The following TRIM9 variants were observed in gnomAD, a reference collection of about 807,000 sequenced individuals.
TRIM9 encodes E3 ubiquitin-protein ligase TRIM9.
A neutral mutation model predicts 78.3 loss-of-function variants in TRIM9; 26 were observed. The observed-to-expected ratio is 0.33, with a 90% CI of 0.24 to 0.46. The LOEUF is 0.46. Among genes scored for constraint, TRIM9 ranks in the 20% least tolerant of loss-of-function variants. TRIM9 has a pLI of 1.00. For synonymous variants in TRIM9, 398 were observed against 416.5 expected, an observed-to-expected ratio of 0.96 and a Z score of 0.54; for missense variants, 787 against 1,036.4, an observed-to-expected ratio of 0.76 and a Z score of 3.30.
rs2054468679 is a variant in TRIM9, at chr14:50,998,177, C to G, written c.1476G>C (p.Val492=). The G allele has an allele frequency of 1.2e-6, 2 of 1,614,022 alleles. No homozygotes were observed. Among genetic ancestry groups the G allele is most frequent in the Admixed American group, 3.3e-5 (2 of 60,004 alleles). ...CCACAGTGCACATTGTCTCCTTCCCCACATACACCTCCTGAGAGTCAGCAA... is the reference window on the plus strand; with the variant it reads ...CCACAGTGCACATTGTCTCCTTCCCGACATACACCTCCTGAGAGTCAGCAA... ...GNGGQFREVY[V]GKETMCTVDG... The change falls in exon 7 of 13, where the codon GTG becomes GTC. Residue 492 remains valine (V), a synonymous_variant. Coordinates refer to ENST00000684578, the MANE Select transcript of TRIM9 (RefSeq NM_001387360.1).
intron 1 of TRIM9, among the ~76,000 whole-genome samples, chr14:51,036,172 T>C (rs537857200): frequency 2.0e-5 from 3 of 152,316 alleles, no homozygotes; most frequent in African/African-American, 4.8e-5. Context: ...ACCTGCCATG[T>C]TGATGAGCCA....
chr14:50,985,573 C>T (rs2052591142), intron 8 of TRIM9, among the ~76,000 whole-genome samples: 2 of 152,168 alleles, frequency 1.3e-5, no homozygotes, highest in African/African-American at 4.8e-5. Context: ...TGCTGGTTTC[C>T]TGGATACAGA....
chr14:51,078,966 T>C (rs2140292601), intron 1 of TRIM9, among the ~76,000 whole-genome samples: 1 of 152,306 alleles, frequency 6.6e-6, no homozygotes, highest in East Asian at 1.9e-4. Context: ...ATAGTAACCA[T>C]TTTTCTATCT....
intron 1 of TRIM9, among the ~76,000 whole-genome samples, chr14:51,073,448 T>C (rs753011446): frequency 6.6e-6 from 1 of 152,126 alleles, no homozygotes; most frequent in Non-Finnish European, 1.5e-5. Flanking sequence ...TTCATAAAAA[T>C]GGAATACCAT....
intron 1 of TRIM9, among the ~76,000 whole-genome samples, chr14:51,080,684 T>C (rs1043282466): frequency 6.6e-6 from 1 of 152,168 alleles, no homozygotes; most frequent in Non-Finnish European, 1.5e-5. Context: ...CTGTAGTGGG[T>C]GGCCACCTTT....
intron 3 of TRIM9, among the ~76,000 whole-genome samples, chr14:51,019,212 T>G (rs1243295140): frequency 6.6e-6 from 1 of 152,256 alleles, no homozygotes; most frequent in Non-Finnish European, 1.5e-5. Context: ...GGAGGTCCAG[T>G]GTGCTCTGCT....
At chr14:50,996,194 C>A (rs1018756760) in intron 7 of TRIM9, 2 of 984,032 alleles carry the variant, frequency 2.0e-6, no homozygotes, top group East Asian at 1.1e-4. Flanking sequence ...TATATTTGTA[C>A]ACAATATATA....
intron 1 of TRIM9, among the ~76,000 whole-genome samples, chr14:51,033,013 A>AT (rs900839469): frequency 4.6e-5 from 7 of 152,332 alleles, no homozygotes; most frequent in African/African-American, 1.7e-4. Context: ...CAGAATCTGC[A>AT]ACACTCAAAA....
At chr14:51,071,789 G>C (rs911216716) in intron 1 of TRIM9, among the ~76,000 whole-genome samples, 20 of 152,216 alleles carry the variant, frequency 1.3e-4, no homozygotes, top group African/African-American at 4.3e-4. Context: ...CTGGGTGACA[G>C]AGTGAGCCCT....
chr14:51,000,910 C>A, intron 5 of TRIM9, 70 bp from the exon 6 acceptor site: 1 of 1,577,130 alleles, frequency 6.3e-7, no homozygotes, highest in Non-Finnish European at 8.7e-7. Context: ...GAATGACAAG[C>A]ATCCCCCTGA....
chr14:51,074,587 C>T (rs1437219638), intron 1 of TRIM9, among the ~76,000 whole-genome samples: 1 of 152,170 alleles, frequency 6.6e-6, no homozygotes, highest in African/African-American at 2.4e-5. Context: ...GTAAATAGTC[C>T]AAAATGGCCT....
Position 50,977,312 on chromosome 14 carries a change from G to A in TRIM9, c.2367C>T (p.Ser789=). 6.5e-7 allele frequency: 1 copy of A among 1,547,220 alleles called. No homozygotes were observed. Among genetic ancestry groups the A allele is most frequent in the Admixed American group, 1.9e-5 (1 of 52,874 alleles). ...ATCCTTAGGCTATTGATGCTCTGCTGGAGTAGAAGTCGGGGACTGGGAGCC... is the reference window on the plus strand; with the variant it reads ...ATCCTTAGGCTATTGATGCTCTGCTAGAGTAGAAGTCGGGGACTGGGAGCC... ...HTGLPVPDFY[S]SRASIA The change falls in exon 13 of 13, where the codon TCC becomes TCT. Residue 789 remains serine, a synonymous_variant. Coordinates refer to ENST00000684578, the MANE Select transcript of TRIM9 (RefSeq NM_001387360.1).
chr14:51,011,271 A>G (rs1357312818), intron 3 of TRIM9, among the ~76,000 whole-genome samples: 1 of 152,180 alleles, frequency 6.6e-6, no homozygotes, highest in African/African-American at 2.4e-5. Context: ...TTGGTGATGA[A>G]TGCATGACAT....
intron 3 of TRIM9, among the ~76,000 whole-genome samples, chr14:51,021,581 C>T (rs1217341222): frequency 2.6e-5 from 4 of 152,196 alleles, no homozygotes; most frequent in Non-Finnish European, 4.4e-5. Context: ...GCTCCCCTGC[C>T]AGCACTATGA....
intron 11 of TRIM9, among the ~76,000 whole-genome samples, chr14:50,981,060 T>C (rs893337585): frequency 6.6e-6 from 1 of 152,054 alleles, no homozygotes; most frequent in African/African-American, 2.4e-5. Context: ...GGGTCCACAG[T>C]AGAAATTTCT....
At chr14:51,058,098 G>C (rs1390997362) in intron 1 of TRIM9, among the ~76,000 whole-genome samples, 1 of 152,156 alleles carries the variant, frequency 6.6e-6, no homozygotes, top group African/African-American at 2.4e-5. Flanking sequence ...TATCAGTAAA[G>C]AGACTGAAAA....
At chr14:51,069,006 TGA>T (rs1260320566) in intron 1 of TRIM9, among the ~76,000 whole-genome samples, 15 of 152,058 alleles carry the variant, frequency 9.9e-5, no homozygotes, top group Non-Finnish European at 1.9e-4. Context: ...AAGAGGGAGA[TGA>T]GTGTGGGGTG....
At chr14:51,023,819 GTAA>G (rs933187283) in intron 2 of TRIM9, among the ~76,000 whole-genome samples, 39 of 152,280 alleles carry the variant, frequency 2.6e-4, no homozygotes, top group African/African-American at 9.1e-4. Context: ...ATATACGTTA[GTAA>G]TACTTAAAAA....
At chr14:51,018,361 C>T (rs922494377) in intron 3 of TRIM9, among the ~76,000 whole-genome samples, 1 of 151,646 alleles carries the variant, frequency 6.6e-6, no homozygotes, top group African/African-American at 2.4e-5. Context: ...CTTCCTCCCT[C>T]CCCCCTTTCT....
Sources: allele counts gnomAD v4.1 joint callset (sites outside exome capture counted in the v4.1 genomes callset), GRCh38; gene constraint gnomAD v4.1.1; transcripts MANE v1.5; gene names NCBI Gene and HGNC (gene_info 2026-07-23, HGNC 2026-07-21).